The following MOBP variants were observed in gnomAD, a reference collection of about 807,000 sequenced individuals.
The protein encoded by MOBP is myelin-associated oligodendrocyte basic protein.
MOBP carries 5 observed loss-of-function variants against 15.0 expected under a neutral mutation model. That is an observed-to-expected ratio of 0.33 (90% confidence interval 0.17 to 0.70). The LOEUF (loss-of-function observed/expected upper bound fraction) is 0.70, where lower values mean the gene tolerates loss of function less well. Among genes scored for constraint, MOBP ranks in the 30% least tolerant of loss-of-function variants. The probability of loss-of-function intolerance (pLI) is 0.67; values close to 1 mark genes in which losing one functional copy is unlikely to be tolerated. For synonymous variants in MOBP, 88 were observed against 99.0 expected, an observed-to-expected ratio of 0.89 and a Z score of 0.66; for missense variants, 188 against 257.8, an observed-to-expected ratio of 0.73 and a Z score of 1.85.
intron 1 of MOBP, among the ~76,000 whole-genome samples, chr3:39,468,816 A>G (rs1358402168): frequency 8.4e-6 from 1 of 118,562 alleles, no homozygotes; most frequent in Non-Finnish European, 1.6e-5. Flanking sequence ...ATGTGTGTGT[A>G]TACATATTAC....
downstream of MOBP, among the ~76,000 whole-genome samples, chr3:39,519,622 A>G (rs780006554): frequency 6.6e-5 from 10 of 150,606 alleles, no homozygotes; most frequent in Non-Finnish European, 8.8e-5. Flanking sequence ...TTTTCAAATC[A>G]TCTAGTTCAT....
chr3:39,472,887 T>C (rs628725), intron 1 of MOBP, among the ~76,000 whole-genome samples: 41,600 of 152,050 alleles, frequency 0.27, 7,244 homozygotes, highest in African/African-American at 0.49. Flanking sequence ...ATTCGTGCCA[T>C]TGCACTCGAG....
At chr3:39,508,563 T>G (rs1170635976) in intron 4 of MOBP, among the ~76,000 whole-genome samples, 1 of 151,816 alleles carries the variant, frequency 6.6e-6, no homozygotes, top group Non-Finnish European at 1.5e-5. Context: ...TTTTTTTTTT[T>G]TTTTGAGACG....
intron 1 of MOBP, among the ~76,000 whole-genome samples, chr3:39,477,193 T>C (rs985327272): frequency 6.6e-6 from 1 of 152,150 alleles, no homozygotes; most frequent in African/African-American, 2.4e-5. Context: ...ATATTTCTAC[T>C]TGGTTAACAG....
chr3:39,508,619 G>A (rs962250224), intron 4 of MOBP, among the ~76,000 whole-genome samples: 6 of 146,274 alleles, frequency 4.1e-5, no homozygotes, highest in African/African-American at 1.0e-4. Context: ...GCATGATCTC[G>A]GCTCACTGCA....
chr3:39,481,562 A>T lies in MOBP; in HGVS notation c.-5+1439A>T, dbSNP rs1048626122. On this transcript the variant is annotated intron_variant, in intron 2 of 3. Coordinates refer to ENST00000684792, the MANE Select transcript of MOBP (RefSeq NM_001393704.1). ...TTATCTCATTACTACAAACAGCTCA[A>T]CAAACCAGCCAAACATCTCCCTCTG... 1.1e-4 allele frequency among the ~76,000 whole-genome samples: 17 copies of T among 152,306 alleles called. No individual in the cohort carries two copies. In the South Asian group the frequency reaches 1.5e-3, roughly 13 times the overall value.
intron 2 of MOBP, among the ~76,000 whole-genome samples, chr3:39,483,204 G>A (rs1445105742): frequency 6.6e-6 from 1 of 152,186 alleles, no homozygotes; most frequent in African/African-American, 2.4e-5. Context: ...CTCATCATAT[G>A]TACTCAGTGA....
At chr3:39,479,637 TG>T (rs751697222) in intron 1 of MOBP, among the ~76,000 whole-genome samples, 20 of 152,150 alleles carry the variant, frequency 1.3e-4, no homozygotes, top group Non-Finnish European at 2.5e-4. Context: ...GCTCCTTTCT[TG>T]GGATGATTTA....
intron 2 of MOBP, among the ~76,000 whole-genome samples, chr3:39,486,128 T>C (rs521139): frequency 0.3 from 45,383 of 152,092 alleles, 9,156 homozygotes; most frequent in African/African-American, 0.57. Context: ...TTCAAGTTTG[T>C]TGTGTTAGAA....
intron 1 of MOBP, among the ~76,000 whole-genome samples, chr3:39,475,084 C>T (rs1049023278): frequency 6.6e-6 from 1 of 152,180 alleles, no homozygotes; most frequent in African/African-American, 2.4e-5. Flanking sequence ...TTTCTCTAAC[C>T]TGTGACAATT....
chr3:39,492,503 C>T (rs1183409065), intron 2 of MOBP, among the ~76,000 whole-genome samples: 1 of 152,192 alleles, frequency 6.6e-6, no homozygotes, highest in Non-Finnish European at 1.5e-5. Flanking sequence ...CTTCTTTCCA[C>T]TTTCTTTCTC....
At position 39,482,451 on chromosome 3, in the gene MOBP, A is replaced by G. The variant is rs558831906; in HGVS notation, c.-5+2328A>G. Among the ~76,000 whole-genome samples, 312 of 151,910 alleles carry G rather than the reference A, an allele frequency of 2.1e-3. 1 individual carries two copies. Among genetic ancestry groups the G allele is most frequent in the African/African-American group, 7.3e-3 (300 of 41,306 alleles). ...CGGATCATGAGGTCATGAGATCAAG[A>G]CCATCCTGGCAAACATGGTGAAACC... On this transcript the variant is annotated intron_variant, in intron 2 of 3. Transcript: ENST00000684792.
chr3:39,495,898 G>T (rs542328917), intron 2 of MOBP, among the ~76,000 whole-genome samples: 2 of 150,740 alleles, frequency 1.3e-5, no homozygotes, highest in African/African-American at 4.9e-5. Context: ...TCTGACAAAA[G>T]TACTCAAAAA....
At chr3:39,504,302 CAG>C (rs2043020298), downstream of MOBP, among the ~76,000 whole-genome samples, 1 of 152,192 alleles carries the variant, frequency 6.6e-6, no homozygotes, top group East Asian at 1.9e-4. Context: ...ATGTATGAAA[CAG>C]AGGAAATTAA....
chr3:39,492,873 G>A (rs933699708), intron 2 of MOBP, among the ~76,000 whole-genome samples: 9 of 152,154 alleles, frequency 5.9e-5, no homozygotes, highest in African/African-American at 1.4e-4. Context: ...CTTGCTCAAG[G>A]TTGTGAGGGA....
intron 2 of MOBP, among the ~76,000 whole-genome samples, chr3:39,485,456 T>C (rs1010242928): frequency 4.6e-5 from 7 of 152,162 alleles, no homozygotes; most frequent in Admixed American, 6.5e-5. Flanking sequence ...GGAATGAAAT[T>C]ACTCTTTGGG....
rs531608176 is a variant in MOBP at position 39,469,888 on chromosome 3, A to G, written c.-89+2148A>G. ...ACAGATAATTTCCAAGGAATCACCAAAAGTGTGTAAGTATTGCCCTTGGAT... is the reference window on the plus strand; with the variant it reads ...ACAGATAATTTCCAAGGAATCACCAGAAGTGTGTAAGTATTGCCCTTGGAT... On this transcript the variant is annotated intron_variant, in intron 1 of 3. Coordinates refer to ENST00000684792, the MANE Select transcript of MOBP (RefSeq NM_001393704.1). Among the ~76,000 whole-genome samples, 7 of 152,350 alleles carry G rather than the reference A, an allele frequency of 4.6e-5. No individual in the cohort carries two copies. The South Asian group carries it at 1.5e-3, about 32-fold the overall frequency.
At position 39,494,635 on chromosome 3, in the gene MOBP, A is replaced by T. The variant is rs546335687; in HGVS notation, c.-4-7431A>T. On this transcript the variant is annotated intron_variant, in intron 2 of 3. Coordinates refer to ENST00000684792, the MANE Select transcript of MOBP (RefSeq NM_001393704.1). ...TATCATCAGAGATACACAGTGAGAT[A>T]AATAGAGTGTGTCTAAAAAACTCAG... is the stretch of plus-strand genomic sequence containing the variant. Among the ~76,000 whole-genome samples the T allele has an allele frequency of 1.7e-4, 26 of 152,310 alleles. No homozygotes were observed. In the South Asian group the frequency reaches 4.6e-3, roughly 27 times the overall value.
downstream of MOBP, chr3:39,526,959 A>G (rs2017334): frequency 0.6 from 91,684 of 151,706 alleles, 32,003 homozygotes; most frequent in Non-Finnish European, 0.77. Flanking sequence ...TATTTTTAGT[A>G]GAGATAGGGA....
Sources: allele counts gnomAD v4.1 joint callset (sites outside exome capture counted in the v4.1 genomes callset), GRCh38; gene constraint gnomAD v4.1.1; transcripts MANE v1.5; gene names NCBI Gene and HGNC (gene_info 2026-07-23, HGNC 2026-07-21).